The following ITGA1 variants were observed in gnomAD, a reference collection of about 807,000 sequenced individuals.
ITGA1 encodes the protein integrin alpha-1.
A neutral mutation model predicts 145.9 loss-of-function variants in ITGA1; 85 were observed. The ratio of observed to expected loss-of-function variants is 0.58; its 90% CI spans 0.49 to 0.70. The LOEUF (loss-of-function observed/expected upper bound fraction) is 0.70, where lower values mean the gene tolerates loss of function less well. Ranked by LOEUF, ITGA1 falls within the 30% of genes least tolerant of loss-of-function variation. The probability of loss-of-function intolerance (pLI) is 0.00; values close to 1 mark genes in which losing one functional copy is unlikely to be tolerated. For synonymous variants in ITGA1, 520 were observed against 495.3 expected (o/e 1.05, Z -0.66); for missense variants, 1,351 against 1,418.7 (o/e 0.95, Z 0.77).
intron 1 of ITGA1, chr5:52,824,968 T>C (rs1748938002): frequency 6.6e-6 from 1 of 152,216 alleles, no homozygotes; most frequent in Admixed American, 6.5e-5. Context: ...AAATAAAATG[T>C]ATTATTTTAA....
intron 21 of ITGA1, among the ~76,000 whole-genome samples, chr5:52,930,129 C>T (rs1458573040): frequency 6.6e-6 from 1 of 152,142 alleles, no homozygotes; most frequent in Admixed American, 6.6e-5. Context: ...GTCAGTACTT[C>T]TGAAAGGTAT....
At chr5:52,800,978 G>C in intron 1 of ITGA1, 1 of 1,614,184 alleles carries the variant, frequency 6.2e-7, no homozygotes, top group Non-Finnish European at 8.5e-7. Context: ...GCTATCCAGC[G>C]CCACATACAC....
At chr5:52,927,297 C>T (rs1330308894) in intron 19 of ITGA1, among the ~76,000 whole-genome samples, 2 of 152,180 alleles carry the variant, frequency 1.3e-5, no homozygotes, top group Non-Finnish European at 2.9e-5. Context: ...TATCCAGCCA[C>T]CGCAATCACT....
At chr5:52,831,399 G>T (rs1749068026) in intron 1 of ITGA1, among the ~76,000 whole-genome samples, 1 of 152,094 alleles carries the variant, frequency 6.6e-6, no homozygotes, top group African/African-American at 2.4e-5. Flanking sequence ...CTCCCAAAGT[G>T]CTGGGATTAC....
intron 15 of ITGA1, among the ~76,000 whole-genome samples, chr5:52,917,007 G>A (rs777078916): frequency 6.6e-6 from 1 of 152,158 alleles, no homozygotes; most frequent in Non-Finnish European, 1.5e-5. Context: ...TCCACTGACA[G>A]CAGAATGGAC....
chr5:52,910,328 T>A lies in ITGA1; in HGVS notation c.1766T>A (p.Ile589Asn), dbSNP rs1416036380. 1.9e-5 allele frequency: 30 copies of A among 1,613,932 alleles called. No homozygotes were observed. The highest frequency in any genetic ancestry group is 2.5e-5 in the Non-Finnish European group (30 of 1,179,916). The change falls in exon 14 of 29, where the codon ATC becomes AAC. Residue 589 changes from isoleucine to asparagine, a missense_variant. Ile to Asn is a moderately radical substitution (Grantham distance 149). Coordinates refer to ENST00000282588, the MANE Select transcript of ITGA1 (RefSeq NM_181501.2). ...KDLNLDGFND[I>N]VIGAPLEDDH... is the part of the protein sequence containing the mutation. ...CTCAATCTTGATGGATTTAATGACA[T>A]CGTGATAGGAGCTCCGCTGGAAGAT...
Position 52,945,033 on chromosome 5 carries a change from G to C in ITGA1, c.3376G>C (p.Glu1126Gln). The C allele has an allele frequency of 1.2e-6, 2 of 1,607,802 alleles. No homozygotes were observed. Among genetic ancestry groups the C allele is most frequent in the Non-Finnish European group, 1.7e-6 (2 of 1,174,892 alleles). The part of the protein sequence containing the change: ...LVLSSSNQKR[E>Q]LAIQISKDGL... ...TTTAAGTAGCAGCAATCAAAAAAGA[G>C]AGGTAAGTGCAACATGAGTTTTGAA... Residue 1126 changes from glutamate to glutamine, a missense_variant and splice_region_variant, in exon 27 of 29, where the codon GAG (glutamate) becomes CAG (glutamine). Coordinates refer to ENST00000282588, the MANE Select transcript of ITGA1 (RefSeq NM_181501.2).
At chr5:52,806,727 C>G (rs1464014357) in intron 1 of ITGA1, among the ~76,000 whole-genome samples, 1 of 151,978 alleles carries the variant, frequency 6.6e-6, no homozygotes, top group South Asian at 2.1e-4. Context: ...TTTTCAGTAA[C>G]ATGTTATTAT....
chr5:52,901,503 T>C (rs1393755060), intron 11 of ITGA1, among the ~76,000 whole-genome samples: 2 of 152,224 alleles, frequency 1.3e-5, no homozygotes, highest in African/African-American at 2.4e-5. Context: ...GTATTGAGTA[T>C]TTACAAATTT....
intron 26 of ITGA1, among the ~76,000 whole-genome samples, chr5:52,944,651 A>G (rs1579734378): frequency 6.6e-6 from 1 of 152,328 alleles, no homozygotes; most frequent in East Asian, 1.9e-4. Flanking sequence ...GCTACATTAA[A>G]GGTAGGCAGA....
chr5:52,834,194 C>A (rs1305630305), intron 1 of ITGA1, among the ~76,000 whole-genome samples: 1 of 152,176 alleles, frequency 6.6e-6, no homozygotes, highest in Non-Finnish European at 1.5e-5. Flanking sequence ...AAGTTCACTT[C>A]ATAGTCCAAC....
At chr5:52,897,281 C>T (rs1030396734) in intron 9 of ITGA1, among the ~76,000 whole-genome samples, 174 bp from the exon 10 acceptor site, 1 of 152,146 alleles carries the variant, frequency 6.6e-6, no homozygotes, top group Non-Finnish European at 1.5e-5. Context: ...CTGTCTTCTA[C>T]CCAGGCCTAC....
At chr5:52,935,823 G>A (rs1750958159) in intron 23 of ITGA1, among the ~76,000 whole-genome samples, 2 of 152,066 alleles carry the variant, frequency 1.3e-5, no homozygotes, top group African/African-American at 4.8e-5. Flanking sequence ...TATGCAAATA[G>A]GACAGGTAAC....
chr5:52,914,429 G>T (rs1750610633), intron 14 of ITGA1, among the ~76,000 whole-genome samples: 1 of 152,056 alleles, frequency 6.6e-6, no homozygotes, highest in Non-Finnish European at 1.5e-5. Flanking sequence ...ATGAGGCCAG[G>T]AGTTCGAGAC....
chr5:52,803,324 G>A (rs1437957718), intron 1 of ITGA1: 4 of 79,104 alleles, frequency 5.1e-5, no homozygotes, highest in South Asian at 6.2e-4. Context: ...TTATAATTCC[G>A]TGAGTATCTT....
chr5:52,858,841 G>T lies in ITGA1; in HGVS notation c.183-2606G>T, dbSNP rs1479708928. On this transcript the variant is annotated intron_variant, in intron 2 of 28. Transcript: ENST00000282588. ...TAGCACATACTATAAGCCAAATACT[G>T]TTCTAAGCATTTTATATACATTAAC... is the stretch of plus-strand genomic sequence containing the variant. Among the ~76,000 whole-genome samples the T allele has an allele frequency of 4.9e-4, 74 of 152,114 alleles. 1 individual carries two copies. The highest frequency in any genetic ancestry group is 1.0e-4 in the Non-Finnish European group (7 of 67,972).
intron 6 of ITGA1, among the ~76,000 whole-genome samples, chr5:52,868,714 A>G (rs140934057): frequency 0.011 from 1,691 of 152,282 alleles, 19 homozygotes; most frequent in Non-Finnish European, 0.016. Flanking sequence ...AAGATCCAGG[A>G]CCTCAATCCA....
intron 19 of ITGA1, among the ~76,000 whole-genome samples, chr5:52,926,818 A>G (rs1030047838): frequency 2.0e-5 from 3 of 152,014 alleles, no homozygotes; most frequent in Admixed American, 1.3e-4. Context: ...GATGGCAACC[A>G]TTTCTTGAGT....
Position 52,896,507 on chromosome 5 carries a change from A to G in ITGA1, c.1091-948A>G, listed in dbSNP as rs147748378. On this transcript the variant is annotated intron_variant, in intron 9 of 28. Transcript: ENST00000282588. ...GTCCTACAAAGGTAATTACTGATGT[A>G]TTTGTTCACAATTTTATCCATGTAA... Among the ~76,000 whole-genome samples, 1,019 of 152,292 alleles carry G rather than the reference A, an allele frequency of 6.7e-3. 6 individuals carry two copies. The highest frequency in any genetic ancestry group is 0.011 in the South Asian group (55 of 4,832).
Sources: allele counts gnomAD v4.1 joint callset (sites outside exome capture counted in the v4.1 genomes callset), GRCh38; gene constraint gnomAD v4.1.1; transcripts MANE v1.5; gene names NCBI Gene and HGNC (gene_info 2026-07-23, HGNC 2026-07-21).